TBC1D22A: variants seen among roughly 807,000 people sequenced by gnomAD.
TBC1D22A encodes the protein TBC1 domain family member 22A.
A neutral mutation model predicts 60.2 loss-of-function variants in TBC1D22A; 38 were observed. The ratio of observed to expected loss-of-function variants is 0.63; its 90% CI spans 0.49 to 0.83. TBC1D22A has a LOEUF of 0.83. Ranked by LOEUF, TBC1D22A falls within the 40% of genes least tolerant of loss-of-function variation. The probability of loss-of-function intolerance (pLI) is 0.00; values close to 1 mark genes in which losing one functional copy is unlikely to be tolerated. For missense variants in TBC1D22A, 628 were observed against 701.0 expected, an observed-to-expected ratio of 0.90 and a Z score of 1.18; for synonymous variants, 302 against 281.7, an observed-to-expected ratio of 1.07 and a Z score of -0.72.
chr22:46,979,673 C>T (rs1049352051), intron 9 of TBC1D22A, among the ~76,000 whole-genome samples: 2 of 152,178 alleles, frequency 1.3e-5, no homozygotes, highest in Non-Finnish European at 2.9e-5. Flanking sequence ...ACACCATGAG[C>T]GTGTGGTATT....
intron 11 of TBC1D22A, among the ~76,000 whole-genome samples, chr22:47,062,968 A>C (rs2063629954): frequency 6.6e-6 from 1 of 152,176 alleles, no homozygotes; most frequent in African/African-American, 2.4e-5. Flanking sequence ...GAAGGTGAGA[A>C]ACAGCAGCGA....
At chr22:46,941,347 A>G (rs1041766468) in intron 8 of TBC1D22A, among the ~76,000 whole-genome samples, 2 of 149,376 alleles carry the variant, frequency 1.3e-5, no homozygotes, top group African/African-American at 4.9e-5. Flanking sequence ...ATATATATAT[A>G]TAGAATATAT....
At chr22:47,024,014 G>T (rs1042148387) in intron 10 of TBC1D22A, among the ~76,000 whole-genome samples, 2 of 152,238 alleles carry the variant, frequency 1.3e-5, no homozygotes, top group African/African-American at 4.8e-5. Flanking sequence ...ACAGTGTACT[G>T]TGGGTTTTCT....
intron 8 of TBC1D22A, among the ~76,000 whole-genome samples, chr22:46,941,746 ATG>A (rs1364967428): frequency 4.1e-5 from 6 of 147,664 alleles, no homozygotes; most frequent in African/African-American, 4.9e-5. Flanking sequence ...GAATATATAT[ATG>A]CGGAATATAT....
intron 11 of TBC1D22A, among the ~76,000 whole-genome samples, chr22:47,041,166 T>C (rs1454783034): frequency 6.6e-6 from 1 of 152,238 alleles, no homozygotes; most frequent in Non-Finnish European, 1.5e-5. Flanking sequence ...TTAAGGCCTT[T>C]ATTAAATTCC....
intron 5 of TBC1D22A, among the ~76,000 whole-genome samples, chr22:46,885,994 G>A (rs760237597): frequency 8.0e-5 from 12 of 149,466 alleles, no homozygotes; most frequent in African/African-American, 1.2e-4. Flanking sequence ...TGCACGCTCC[G>A]CCTCCCAGGT....
intron 1 of TBC1D22A, among the ~76,000 whole-genome samples, chr22:46,766,831 C>A (rs535214481): frequency 6.6e-6 from 1 of 152,176 alleles, no homozygotes; most frequent in African/African-American, 2.4e-5. Flanking sequence ...CCACCGTGCC[C>A]GGCCCACACC....
At chr22:47,019,251 C>G (rs957042971) in intron 10 of TBC1D22A, among the ~76,000 whole-genome samples, 5 of 152,240 alleles carry the variant, frequency 3.3e-5, no homozygotes, top group African/African-American at 1.2e-4. Flanking sequence ...CCTCCTACTC[C>G]CTCCCAGCCT....
intron 12 of TBC1D22A, among the ~76,000 whole-genome samples, chr22:47,137,427 G>T (rs1325959681): frequency 1.3e-5 from 2 of 152,190 alleles, no homozygotes; most frequent in African/African-American, 4.8e-5. Context: ...CCAAAGAGGG[G>T]ACATGTACTG....
intron 8 of TBC1D22A, among the ~76,000 whole-genome samples, chr22:46,968,078 C>T (rs907913118): frequency 2.6e-5 from 4 of 152,178 alleles, no homozygotes; most frequent in South Asian, 2.1e-4. Flanking sequence ...CTTGTGGTGA[C>T]GGGCTCTTTT....
chr22:47,014,100 C>A (rs981572433), intron 10 of TBC1D22A, among the ~76,000 whole-genome samples: 3 of 152,216 alleles, frequency 2.0e-5, no homozygotes, highest in Non-Finnish European at 4.4e-5. Context: ...CCTGTGTCCC[C>A]GCCATGCCCC....
chr22:46,977,071 G>A (rs916219818), intron 9 of TBC1D22A, among the ~76,000 whole-genome samples: 1 of 152,208 alleles, frequency 6.6e-6, no homozygotes, highest in Non-Finnish European at 1.5e-5. Context: ...AGCACACAAG[G>A]CTGAGACTAA....
chr22:46,834,514 G>C (rs2086438866), intron 4 of TBC1D22A, among the ~76,000 whole-genome samples: 1 of 152,170 alleles, frequency 6.6e-6, no homozygotes, highest in Non-Finnish European at 1.5e-5. Context: ...GGGAAGGTGA[G>C]AGCATAGTGA....
At chr22:46,808,989 G>A (rs1181176057) in intron 4 of TBC1D22A, among the ~76,000 whole-genome samples, 1 of 152,216 alleles carries the variant, frequency 6.6e-6, no homozygotes, top group South Asian at 2.1e-4. Context: ...AGAAGTTCAA[G>A]TTTGCTTAAA....
chr22:46,821,930 C>A (rs528985734), intron 4 of TBC1D22A, among the ~76,000 whole-genome samples: 4 of 149,872 alleles, frequency 2.7e-5, no homozygotes, highest in African/African-American at 7.3e-5. Context: ...AGGCTTTGTT[C>A]ATTCTTTTTC....
At chr22:47,105,176 T>A (rs1205785478) in intron 11 of TBC1D22A, among the ~76,000 whole-genome samples, 1 of 151,746 alleles carries the variant, frequency 6.6e-6, no homozygotes, top group Non-Finnish European at 1.5e-5. Context: ...ACCTAGCTCA[T>A]CAAACCTATA....
chr22:46,966,003 C>G (rs1478835329), intron 8 of TBC1D22A, among the ~76,000 whole-genome samples: 1 of 152,182 alleles, frequency 6.6e-6, no homozygotes, highest in Non-Finnish European at 1.5e-5. Flanking sequence ...AGCCATGGCA[C>G]TCTCCTGGGG....
intron 5 of TBC1D22A, among the ~76,000 whole-genome samples, chr22:46,880,785 G>A (rs1031240704): frequency 3.3e-5 from 5 of 152,138 alleles, no homozygotes; most frequent in Non-Finnish European, 7.4e-5. Context: ...GGGAAGGAGG[G>A]GAGGGTGTGG....
intron 12 of TBC1D22A, among the ~76,000 whole-genome samples, chr22:47,141,452 G>A (rs551984393): frequency 1.9e-4 from 29 of 152,242 alleles, no homozygotes; most frequent in Admixed American, 5.2e-4. Flanking sequence ...TATAATCCTC[G>A]GACCAGCTCT....
Sources: gnomAD v4.1 joint callset for allele counts (sites outside exome capture counted in the v4.1 genomes callset) on GRCh38, gnomAD v4.1.1 for gene constraint, MANE v1.5 for transcripts, NCBI Gene and HGNC (gene_info 2026-07-23, HGNC 2026-07-21) for gene names.